Variants in WHRN observed in about 807,000 individuals in gnomAD.
WHRN encodes CASK-interacting protein CIP98.
A neutral mutation model predicts 68.3 loss-of-function variants in WHRN; 41 were observed. The ratio of observed to expected loss-of-function variants is 0.60; its 90% CI spans 0.47 to 0.78. The LOEUF (loss-of-function observed/expected upper bound fraction) is 0.78, where lower values mean the gene tolerates loss of function less well. Among genes scored for constraint, WHRN ranks in the 30% least tolerant of loss-of-function variants. The pLI is 0.00. For synonymous variants in WHRN, 560 were observed against 561.3 expected (o/e 1.00, Z 0.03); for missense variants, 1,243 against 1,244.7 (o/e 1.00, Z 0.02).
Position 114,403,432 on chromosome 9 carries a change from C to T in WHRN, c.2419-93G>A. ...GGGCCGTGACACCACCCTGGGTCAG[C>T]AGAGCTCAGGCTCCAGCCCTGTGTC... On this transcript the variant is annotated intron_variant, in intron 10 of 11. Transcript: ENST00000362057. 2.6e-6 allele frequency: 4 copies of T among 1,541,656 alleles called. No homozygotes were observed. The South Asian group carries it at 4.5e-5, about 17-fold the overall frequency.
At chr9:114,469,119 G>A (rs1014102323) in intron 2 of WHRN, among the ~76,000 whole-genome samples, 2 of 152,146 alleles carry the variant, frequency 1.3e-5, no homozygotes, top group African/African-American at 2.4e-5. Flanking sequence ...GAGTGCGTAG[G>A]GTCGTGGCTG....
At chr9:114,469,943 C>T (rs2133020595) in intron 2 of WHRN, among the ~76,000 whole-genome samples, 1 of 152,364 alleles carries the variant, frequency 6.6e-6, no homozygotes, top group East Asian at 1.9e-4. Flanking sequence ...AGCACGGCAT[C>T]TTCCAATCAG....
chr9:114,478,267 GAC>G, intron 2 of WHRN: 2 of 665,042 alleles, frequency 3.0e-6, no homozygotes, highest in Non-Finnish European at 2.8e-6. Context: ...CAGCCTGGGC[GAC>G]AGAGTGAGAC....
At chr9:114,493,711 A>G (rs1240940931) in intron 1 of WHRN, among the ~76,000 whole-genome samples, 2 of 152,240 alleles carry the variant, frequency 1.3e-5, no homozygotes, top group African/African-American at 4.8e-5. Flanking sequence ...GATAAGAGAG[A>G]GGAAAAAGGA....
intron 3 of WHRN, among the ~76,000 whole-genome samples, chr9:114,451,597 C>T (rs1376713499): frequency 1.3e-5 from 2 of 152,094 alleles, no homozygotes; most frequent in East Asian, 1.9e-4. Flanking sequence ...AAGTGAAGAC[C>T]ATTCGCTCCT....
intron 2 of WHRN, chr9:114,478,299 A>G (rs934249442): frequency 7.1e-6 from 5 of 703,136 alleles, no homozygotes; most frequent in Admixed American, 2.1e-5. Flanking sequence ...AAATAGATAA[A>G]TAAGCCAATC....
At chr9:114,489,305 G>A (rs73555426) in intron 1 of WHRN, among the ~76,000 whole-genome samples, 10,325 of 152,104 alleles carry the variant, frequency 0.068, 1,164 homozygotes, top group African/African-American at 0.24. Flanking sequence ...TCTTGGAATT[G>A]AACACCAATA....
chr9:114,452,349 T>C (rs1589164723), intron 3 of WHRN, among the ~76,000 whole-genome samples: 1 of 152,308 alleles, frequency 6.6e-6, no homozygotes, highest in African/African-American at 2.4e-5. Context: ...TGGGGAGAGC[T>C]GGCTGGCCGG....
chr9:114,407,415 G>A (rs370094171), intron 8 of WHRN, among the ~76,000 whole-genome samples: 2 of 152,102 alleles, frequency 1.3e-5, no homozygotes, highest in African/African-American at 4.8e-5. Context: ...AGCAGAGGTG[G>A]TGTGGTGATG....
In WHRN at chr9:114,424,420, A is replaced by T; in HGVS notation, c.1330T>A (p.Tyr444Asn). Residue 444 changes from tyrosine (Y) to asparagine (N), a missense_variant, in exon 6 of 12, where the codon TAC becomes AAC. Tyr to Asn is a moderately radical substitution (Grantham distance 143, BLOSUM62 -2). Transcript: ENST00000362057. Reference sequence around the variant, plus strand: ...CCACCACGGTACTCATCCAGGTAGTAGGCCATGGTGGCGTGTTCCTGCTCG... The same window carrying T: ...CCACCACGGTACTCATCCAGGTAGTTGGCCATGGTGGCGTGTTCCTGCTCG... Reference protein sequence around the residue: ...LNEQEHATMAYYLDEYRGGSV... With the variant: ...LNEQEHATMANYLDEYRGGSV... 1 of 1,613,366 alleles carries T rather than the reference A, an allele frequency of 6.2e-7. No individual in the cohort carries two copies. Among genetic ancestry groups the T allele is most frequent in the Non-Finnish European group, 8.5e-7 (1 of 1,180,026 alleles).
chr9:114,449,837 C>T (rs993071613), intron 3 of WHRN, among the ~76,000 whole-genome samples: 3 of 152,178 alleles, frequency 2.0e-5, no homozygotes, highest in Admixed American at 6.5e-5. Context: ...GCTACCATTT[C>T]TTTTTGGTTG....
At chr9:114,499,484 AGTCTGGGGTCCCTGAGAAGG>A (rs1255429753) in intron 1 of WHRN, among the ~76,000 whole-genome samples, 7 of 152,242 alleles carry the variant, frequency 4.6e-5, no homozygotes, top group Non-Finnish European at 8.8e-5. Context: ...GCTGAGGATT[AGTCTGGGGTCCCTGAGAAGG>A]GTAAACCAAA....
At chr9:114,497,485 A>G (rs1843556417) in intron 1 of WHRN, among the ~76,000 whole-genome samples, 1 of 151,872 alleles carries the variant, frequency 6.6e-6, no homozygotes, top group Admixed American at 6.6e-5. Context: ...CTGGGTTTCT[A>G]GAAACCTGGA....
intron 7 of WHRN, among the ~76,000 whole-genome samples, chr9:114,417,919 G>T (rs1363764936): frequency 2.6e-5 from 4 of 152,226 alleles, no homozygotes; most frequent in Admixed American, 1.3e-4. Context: ...AGCCATGGGG[G>T]TCTTCCGTGG....
At chr9:114,497,220 G>C (rs1253995912) in intron 1 of WHRN, among the ~76,000 whole-genome samples, 1 of 152,144 alleles carries the variant, frequency 6.6e-6, no homozygotes, top group Non-Finnish European at 1.5e-5. Context: ...TATTTGCTTT[G>C]CATACAGAGT....
chr9:114,480,644 C>A (rs1388507019), intron 1 of WHRN, among the ~76,000 whole-genome samples: 1 of 152,096 alleles, frequency 6.6e-6, no homozygotes, highest in Non-Finnish European at 1.5e-5. Flanking sequence ...CTAATGCCAC[C>A]CAGTCTATGG....
intron 7 of WHRN, among the ~76,000 whole-genome samples, chr9:114,411,413 A>G (rs1835428272): frequency 6.6e-6 from 1 of 152,188 alleles, no homozygotes; most frequent in Non-Finnish European, 1.5e-5. Context: ...TGCCACATTC[A>G]GGTGGAGCCA....
At chr9:114,458,002 A>G (rs1289165531) in intron 3 of WHRN, among the ~76,000 whole-genome samples, 2 of 152,004 alleles carry the variant, frequency 1.3e-5, no homozygotes, top group African/African-American at 4.8e-5. Context: ...AGTGTACTTC[A>G]TAATTATAAA....
intron 1 of WHRN, among the ~76,000 whole-genome samples, chr9:114,482,875 C>T (rs975163572): frequency 1.3e-4 from 20 of 152,006 alleles, no homozygotes; most frequent in African/African-American, 4.1e-4. Flanking sequence ...TGGGCCAAGT[C>T]GCTGAGTCTC....
Sources: allele counts gnomAD v4.1 joint callset (sites outside exome capture counted in the v4.1 genomes callset), GRCh38; gene constraint gnomAD v4.1.1; transcripts MANE v1.5; gene names NCBI Gene and HGNC (gene_info 2026-07-23, HGNC 2026-07-21).